EBF3: variants seen among roughly 807,000 people sequenced by gnomAD.
EBF3 encodes the protein transcription factor COE3.
In EBF3, 18 loss-of-function variants were observed where a neutral mutation model predicts 77.1. The observed-to-expected ratio is 0.23, with a 90% CI of 0.16 to 0.35. The LOEUF (loss-of-function observed/expected upper bound fraction) is 0.35, where lower values mean the gene tolerates loss of function less well. Among genes scored for constraint, EBF3 ranks in the 10% least tolerant of loss-of-function variants. EBF3 has a pLI of 1.00. For synonymous variants in EBF3, 350 were observed against 343.5 expected (o/e 1.02, Z -0.21); for missense variants, 558 against 860.0 (o/e 0.65, Z 4.39).
At chr10:129,923,773 GA>G (rs552966029) in intron 6 of EBF3, among the ~76,000 whole-genome samples, 2 of 151,448 alleles carry the variant, frequency 1.3e-5, no homozygotes, top group East Asian at 1.9e-4. Flanking sequence ...GTCAGCAAAA[GA>G]AAAAAAATAG....
intron 8 of EBF3, 80 bp from the exon 9 acceptor site, chr10:129,867,992 C>T (rs530516830): frequency 1.1e-5 from 17 of 1,555,508 alleles, no homozygotes; most frequent in Middle Eastern, 3.8e-4. Flanking sequence ...CCGCGCGTCC[C>T]GCGGCCACCG....
intron 14 of EBF3, among the ~76,000 whole-genome samples, 181 bp from the exon 15 acceptor site, chr10:129,840,623 T>C (rs1432881961): frequency 6.6e-6 from 1 of 152,190 alleles, no homozygotes; most frequent in African/African-American, 2.4e-5. Flanking sequence ...TCCCTTCCAA[T>C]TGAGCAGCCC....
rs374454191 is a variant in EBF3 at position 129,836,573 on chromosome 10, CAATG to C, written c.*1366_*1369del. 2.8e-5 allele frequency: 4 copies of C among 145,268 alleles called. No homozygotes were observed. Among genetic ancestry groups the C allele is most frequent in the South Asian group, 2.3e-4 (1 of 4,256 alleles). 9.0% of individuals were successfully genotyped at this position (145,268 alleles called of 1,614,324 possible). A position where few individuals can be genotyped will look rare whatever the true frequency, so the allele number is the denominator to read the frequency against. On this transcript the variant is annotated 3_prime_UTR_variant, in exon 17 of 17. Coordinates refer to ENST00000440978, the MANE Select transcript of EBF3 (RefSeq NM_001375380.1). ...AACTTAAAAATAATATAAAAATAAA[CAATG>C]AATTTGACTTTTCCTCAAAATAAAA...
chr10:129,869,416 GCTTTGCTCC>G lies in EBF3; in HGVS notation c.782-1513_782-1505del, dbSNP rs770400976. Among the ~76,000 whole-genome samples the G allele has an allele frequency of 8.6e-5, 13 of 152,034 alleles. No homozygotes were observed. In the South Asian group the frequency reaches 2.5e-3, roughly 29 times the overall value. ...CCCCCCACCACCCCGCCAGCTCCTGGCTTTGCTCCCCCACGGCTCTCCAGCTGCAGACAA... is the reference window on the plus strand; with the variant it reads ...CCCCCCACCACCCCGCCAGCTCCTGGCCCACGGCTCTCCAGCTGCAGACAA... On this transcript the variant is annotated intron_variant, in intron 8 of 16. Transcript: ENST00000440978.
At chr10:129,936,378 C>A (rs1452436212) in intron 6 of EBF3, among the ~76,000 whole-genome samples, 2 of 152,192 alleles carry the variant, frequency 1.3e-5, no homozygotes, top group Non-Finnish European at 1.5e-5. Context: ...GGGGATGATG[C>A]CAAAGGCTGA....
rs1404991198 is a variant in EBF3 at position 129,935,474 on chromosome 10, G to A, written c.554+21784C>T. On this transcript the variant is annotated intron_variant, in intron 6 of 16. Coordinates refer to ENST00000440978, the MANE Select transcript of EBF3 (RefSeq NM_001375380.1). This position sits in a 1 kb window ranked among gnomAD's most constrained non-coding sequence, Gnocchi z 4.2. The stretch of plus-strand genomic sequence containing the variant: ...ACGGGACCTCCTTGAGGACAGAGCA[G>A]CTGCCAATTCCTGTGTGACCCCAAC... Among the ~76,000 whole-genome samples, 1 of 152,182 alleles carries A rather than the reference G, an allele frequency of 6.6e-6. No homozygotes were observed. Among genetic ancestry groups the A allele is most frequent in the Non-Finnish European group, 1.5e-5 (1 of 68,032 alleles).
chr10:129,880,747 G>A (rs755444683), intron 6 of EBF3, among the ~76,000 whole-genome samples: 2 of 152,216 alleles, frequency 1.3e-5, no homozygotes, highest in Non-Finnish European at 2.9e-5. Context: ...TACAGGGACG[G>A]ACAGAGGGGA....
chr10:129,963,539 G>C lies in EBF3; in HGVS notation c.135-16C>G. 6.7e-7 allele frequency: 1 copy of C among 1,502,910 alleles called. No individual in the cohort carries two copies. The highest frequency in any genetic ancestry group is 1.2e-5 in the South Asian group (1 of 81,886). The allele number at this position is 1,502,910 out of a possible 1,614,324, so 93.1% of individuals were successfully genotyped here. On this transcript the variant is annotated splice_polypyrimidine_tract_variant and intron_variant, in intron 1 of 16. Coordinates refer to ENST00000440978, the MANE Select transcript of EBF3 (RefSeq NM_001375380.1). This position sits in a 1 kb window ranked among gnomAD's most constrained non-coding sequence, Gnocchi z 7.1. ...CCCCACGCCGCTGCGGGAGGAAAGA[G>C]ACAGCGGCCCGGTGAGGAGCGCGGC...
intron 16 of EBF3, among the ~76,000 whole-genome samples, chr10:129,838,358 C>T (rs565312616): frequency 6.6e-6 from 1 of 152,238 alleles, no homozygotes; most frequent in Non-Finnish European, 1.5e-5. Context: ...TGGTCACTCC[C>T]GTGACGCCAG....
chr10:129,922,976 G>GAAA (rs1162559168), intron 6 of EBF3, among the ~76,000 whole-genome samples: 3 of 152,208 alleles, frequency 2.0e-5, no homozygotes, highest in Admixed American at 2.0e-4. Flanking sequence ...TTCAGGCCCT[G>GAAA]GAGTCAGCTG....
At chr10:129,843,076 G>A (rs572911242) in intron 12 of EBF3, 61 bp downstream of exon 12, 275 of 1,545,520 alleles carry the variant, frequency 1.8e-4, no homozygotes, top group Non-Finnish European at 2.2e-4. Context: ...GAGCCACGCC[G>A]GCTGCCCACG....
Position 129,861,434 on chromosome 10 carries a change from C to T in EBF3, c.1039+5707G>A, listed in dbSNP as rs559117468. ...GAGTCACGCATTATCTTGTGATTAT[C>T]CCGATTCTGGGCAGGTCCAGAGTCA... On this transcript the variant is annotated intron_variant, in intron 10 of 16. Coordinates refer to ENST00000440978, the MANE Select transcript of EBF3 (RefSeq NM_001375380.1). This position sits in a 1 kb window ranked among gnomAD's most constrained non-coding sequence, Gnocchi z 4.3. 1.3e-4 allele frequency among the ~76,000 whole-genome samples: 20 copies of T among 152,296 alleles called. No individual in the cohort carries two copies. Among genetic ancestry groups the T allele is most frequent in the African/African-American group, 4.8e-4 (20 of 41,550 alleles).
chr10:129,953,188 G>A (rs1014973432), intron 6 of EBF3, among the ~76,000 whole-genome samples: 1 of 151,756 alleles, frequency 6.6e-6, no homozygotes, highest in Non-Finnish European at 1.5e-5. Flanking sequence ...GCAGGGTAGG[G>A]GGGGCGCAGA....
At chr10:129,918,800 G>A (rs1263038626) in intron 6 of EBF3, among the ~76,000 whole-genome samples, 1 of 152,188 alleles carries the variant, frequency 6.6e-6, no homozygotes, top group African/African-American at 2.4e-5. Context: ...GTGGAATCAG[G>A]GGAGACTCTT....
At chr10:129,916,110 G>C (rs1341503520) in intron 6 of EBF3, among the ~76,000 whole-genome samples, 1 of 152,236 alleles carries the variant, frequency 6.6e-6, no homozygotes, top group Non-Finnish European at 1.5e-5. Context: ...TCATGGAACA[G>C]GATGGGCAGG....
Position 129,944,203 on chromosome 10 carries a change from T to C in EBF3, c.554+13055A>G, listed in dbSNP as rs1858006295. ...ATCAATTTGCAAGGCCGGTCCGGCA[T>C]CCAGTTACAATAACATTAAAATATA... On this transcript the variant is annotated intron_variant, in intron 6 of 16. Coordinates refer to ENST00000440978, the MANE Select transcript of EBF3 (RefSeq NM_001375380.1). The surrounding 1 kb of genome is among the most constrained non-coding windows in gnomAD (Gnocchi z 5.1). 6.6e-6 allele frequency among the ~76,000 whole-genome samples: 1 copy of C among 152,252 alleles called. No homozygotes were observed. The highest frequency in any genetic ancestry group is 1.5e-5 in the Non-Finnish European group (1 of 68,032).
At chr10:129,887,507 T>C (rs1163065321) in intron 6 of EBF3, among the ~76,000 whole-genome samples, 1 of 152,172 alleles carries the variant, frequency 6.6e-6, no homozygotes, top group African/African-American at 2.4e-5. Flanking sequence ...AAAGAAAATG[T>C]CAAATCAAGA....
intron 6 of EBF3, among the ~76,000 whole-genome samples, chr10:129,898,171 A>T (rs1854526063): frequency 1.3e-5 from 2 of 152,272 alleles, no homozygotes; most frequent in Middle Eastern, 3.2e-3. Context: ...ACAGTACAGA[A>T]GCAAGAGAAC....
intron 10 of EBF3, among the ~76,000 whole-genome samples, chr10:129,862,333 A>C (rs1851699082): frequency 6.6e-6 from 1 of 152,146 alleles, no homozygotes. Flanking sequence ...GGAGCGGTCC[A>C]GGTATTCCGC....
Sources: gnomAD v4.1 joint callset for allele counts (sites outside exome capture counted in the v4.1 genomes callset) on GRCh38, gnomAD v4.1.1 for gene constraint, Gnocchi (gnomAD v3.1) non-coding constraint, MANE v1.5 for transcripts, NCBI Gene and HGNC (gene_info 2026-07-23, HGNC 2026-07-21) for gene names.